The following ADH7 variants were observed in gnomAD, a reference collection of about 807,000 sequenced individuals.
ADH7 encodes alcohol dehydrogenase 7 (class IV), mu or sigma polypeptide.
In ADH7, 41 loss-of-function variants were observed where a neutral mutation model predicts 34.4. The ratio of observed to expected loss-of-function variants is 1.19; its 90% CI spans 0.93 to 1.55. The LOEUF is 1.55. Ranked by LOEUF, ADH7 falls within the 40% of genes most tolerant of loss-of-function variation. ADH7 has a pLI of 0.00. For synonymous variants in ADH7, 180 were observed against 160.9 expected (o/e 1.12, Z -0.90); for missense variants, 540 against 461.2 (o/e 1.17, Z -1.56).
At position 99,419,109 on chromosome 4, in the gene ADH7, C is replaced by CCAGGGCAT; in HGVS notation, c.830_837dup (p.Ala280MetfsTer8). ...GTCCCATAGTTCATGTGGCAGGATG[C>CCAGGGCAT]CAGGGCATCAATCTGAGTTTAAAAC... is the stretch of plus-strand genomic sequence containing the variant. On this transcript the variant is annotated frameshift_variant, in exon 7 of 9. Transcript: ENST00000437033. LOFTEE classifies it high-confidence loss of function. The CCAGGGCAT allele has an allele frequency of 6.2e-7, 1 of 1,613,498 alleles. No individual in the cohort carries two copies. The highest frequency in any genetic ancestry group is 1.1e-5 in the South Asian group (1 of 91,044).
chr4:99,426,370 A>G (rs1476423372), intron 5 of ADH7, among the ~76,000 whole-genome samples: 1 of 152,206 alleles, frequency 6.6e-6, no homozygotes, highest in Admixed American at 6.5e-5. Flanking sequence ...AAAAATGATA[A>G]AGGGGATATC....
intron 5 of ADH7, 24 bp from the exon 6 acceptor site, chr4:99,420,817 C>T: frequency 3.1e-6 from 5 of 1,611,658 alleles, no homozygotes; most frequent in South Asian, 1.1e-5. Context: ...TGTTCTTGAA[C>T]ATGTTAGGTG....
intron 1 of ADH7, among the ~76,000 whole-genome samples, chr4:99,430,747 C>T (rs1721920297): frequency 1.3e-5 from 2 of 152,158 alleles, no homozygotes; most frequent in South Asian, 4.1e-4. Flanking sequence ...TTAGAAATCT[C>T]ACACCACATT....
chr4:99,413,245 C>G, intron 8 of ADH7, 73 bp from the exon 9 acceptor site: 2 of 1,518,894 alleles, frequency 1.3e-6, no homozygotes, highest in Admixed American at 1.7e-5. Flanking sequence ...AAACAATTGT[C>G]CTTTCTATCT....
chr4:99,416,417 C>A (rs973555486), intron 7 of ADH7, among the ~76,000 whole-genome samples: 5 of 152,142 alleles, frequency 3.3e-5, no homozygotes, highest in Admixed American at 6.5e-5. Context: ...GGTCATTTCT[C>A]AGTCCTCCTC....
At chr4:99,429,138 G>A (rs1479106343) in intron 2 of ADH7, among the ~76,000 whole-genome samples, 3 of 152,158 alleles carry the variant, frequency 2.0e-5, no homozygotes, top group South Asian at 2.1e-4. Flanking sequence ...GGAGGAAAAC[G>A]TTCCACGAAG....
chr4:99,420,882 G>C (rs1721641706), intron 5 of ADH7, 89 bp from the exon 6 acceptor site: 3 of 1,211,122 alleles, frequency 2.5e-6, no homozygotes, highest in South Asian at 2.8e-5. Flanking sequence ...CACAAATCAT[G>C]AGTGAACTCC....
At chr4:99,415,441 G>C (rs774369393) in intron 8 of ADH7, 37 bp downstream of exon 8, 1 of 1,596,546 alleles carries the variant, frequency 6.3e-7, no homozygotes. Context: ...AAAGTAGCCT[G>C]TGGAGAAGAG....
At chr4:99,421,586 C>T (rs766280883) in intron 5 of ADH7, among the ~76,000 whole-genome samples, 20 of 152,166 alleles carry the variant, frequency 1.3e-4, no homozygotes, top group Non-Finnish European at 2.1e-4. Context: ...AGAACTTAGA[C>T]ATAGGCAAAG....
intron 1 of ADH7, among the ~76,000 whole-genome samples, chr4:99,430,735 C>T (rs1411284164): frequency 6.6e-6 from 1 of 152,120 alleles, no homozygotes; most frequent in African/African-American, 2.4e-5. Context: ...CCAATGTTGA[C>T]GTTAGAAATC....
intron 1 of ADH7, among the ~76,000 whole-genome samples, chr4:99,432,308 C>G (rs974306148): frequency 2.6e-5 from 4 of 151,914 alleles, no homozygotes; most frequent in Non-Finnish European, 5.9e-5. Flanking sequence ...ACACCAGGGC[C>G]CATTTGAGGG....
Position 99,419,123 on chromosome 4 carries a change from T to A in ADH7, c.826-2A>T, listed in dbSNP as rs764589391. On this transcript the variant is annotated splice_acceptor_variant, in intron 6 of 8. Transcript: ENST00000437033. LOFTEE classifies it high-confidence loss of function. ...GTGGCAGGATGCCAGGGCATCAATCTGAGTTTAAAACGGAGGAGATCGTTT... is the reference window on the plus strand; with the variant it reads ...GTGGCAGGATGCCAGGGCATCAATCAGAGTTTAAAACGGAGGAGATCGTTT... The A allele has an allele frequency of 2.5e-5, 41 of 1,613,130 alleles. No individual in the cohort carries two copies. The highest frequency in any genetic ancestry group is 7.6e-6 in the Non-Finnish European group (9 of 1,179,592).
chr4:99,420,466 A>T (rs1721620429), intron 6 of ADH7, 67 bp downstream of exon 6: 3 of 1,504,202 alleles, frequency 2.0e-6, no homozygotes, highest in South Asian at 2.4e-5. Context: ...GTTATAGACA[A>T]TTAAATTTAC....
At chr4:99,435,112 G>A (rs1203236095) in intron 1 of ADH7, 104 bp downstream of exon 1, 8 of 1,553,032 alleles carry the variant, frequency 5.2e-6, no homozygotes, top group Non-Finnish European at 7.0e-6. Flanking sequence ...CATTCCTCAA[G>A]GAATATCTCC....
At chr4:99,419,561 G>A (rs1721600839) in intron 6 of ADH7, among the ~76,000 whole-genome samples, 3 of 151,992 alleles carry the variant, frequency 2.0e-5, no homozygotes, top group African/African-American at 7.3e-5. Context: ...TTTCTTGGGA[G>A]CATTTCTGAG....
rs746175700 is a variant in ADH7, at chr4:99,435,205, G to A, written c.18+11C>T. Reference sequence around the variant, plus strand: ...GTCATGATGAGGAGGGGACAGAAATGTTCCACTTACTTTTCCAGCAGTGCC... The same window carrying A: ...GTCATGATGAGGAGGGGACAGAAATATTCCACTTACTTTTCCAGCAGTGCC... On this transcript the variant is annotated intron_variant, in intron 1 of 8. Coordinates refer to ENST00000437033, the MANE Select transcript of ADH7 (RefSeq NM_000673.7). 3.1e-6 allele frequency: 5 copies of A among 1,612,718 alleles called. No individual in the cohort carries two copies. The Admixed American group carries it at 5.0e-5, about 16-fold the overall frequency.
At chr4:99,433,037 T>C (rs1481086897) in intron 1 of ADH7, among the ~76,000 whole-genome samples, 1 of 152,170 alleles carries the variant, frequency 6.6e-6, no homozygotes, top group African/African-American at 2.4e-5. Context: ...AGATAAATGG[T>C]AAAATGGGCC....
At chr4:99,424,199 C>T (rs1204509741) in intron 5 of ADH7, among the ~76,000 whole-genome samples, 1 of 151,998 alleles carries the variant, frequency 6.6e-6, no homozygotes, top group Non-Finnish European at 1.5e-5. Context: ...AGATATGTGG[C>T]GTTATTTCTG....
At position 99,418,972 on chromosome 4, in the gene ADH7, T is replaced by C. The variant is rs1721584040; in HGVS notation, c.961+14A>G. ...AAGCCATCACTCCCCATCCAGAGGCTTTGCTTTCCTGACCTCCAAAGACAC... is the reference window on the plus strand; with the variant it reads ...AAGCCATCACTCCCCATCCAGAGGCCTTGCTTTCCTGACCTCCAAAGACAC... On this transcript the variant is annotated intron_variant, in intron 7 of 8. Coordinates refer to ENST00000437033, the MANE Select transcript of ADH7 (RefSeq NM_000673.7). 1 of 1,612,992 alleles carries C rather than the reference T, an allele frequency of 6.2e-7. No individual in the cohort carries two copies. Among genetic ancestry groups the C allele is most frequent in the Non-Finnish European group, 8.5e-7 (1 of 1,179,438 alleles).
Sources: allele counts gnomAD v4.1 joint callset (sites outside exome capture counted in the v4.1 genomes callset), GRCh38; gene constraint gnomAD v4.1.1; transcripts MANE v1.5; gene names NCBI Gene and HGNC (gene_info 2026-07-23, HGNC 2026-07-21).